Variants in PRR5L observed in about 807,000 individuals in gnomAD.
The protein encoded by PRR5L is proline rich 5 like.
In PRR5L, 21 loss-of-function variants were observed where a neutral mutation model predicts 36.4. That is an observed-to-expected ratio of 0.58 (90% CI 0.41 to 0.83). The LOEUF (loss-of-function observed/expected upper bound fraction) is 0.83. Ranked by LOEUF, PRR5L falls within the 40% of genes least tolerant of loss-of-function variation. The pLI, the probability that PRR5L is intolerant of heterozygous loss-of-function variation, is 0.00. For synonymous variants in PRR5L, 188 were observed against 197.0 expected, an observed-to-expected ratio of 0.95 and a Z score of 0.38; for missense variants, 381 against 473.3, an observed-to-expected ratio of 0.80 and a Z score of 1.81.
At chr11:36,396,907 C>A (rs1857671653) in intron 1 of PRR5L, among the ~76,000 whole-genome samples, 1 of 152,034 alleles carries the variant, frequency 6.6e-6, no homozygotes, top group Non-Finnish European at 1.5e-5. Flanking sequence ...AAATTTAGTT[C>A]CTAACTTAGT....
chr11:36,410,681 G>A (rs1297028720), intron 3 of PRR5L, among the ~76,000 whole-genome samples: 1 of 152,166 alleles, frequency 6.6e-6, no homozygotes, highest in Non-Finnish European at 1.5e-5. Context: ...CTAGGATGCC[G>A]ACACCCGAAG....
At chr11:36,322,358 C>T (rs1856621233) in intron 1 of PRR5L, among the ~76,000 whole-genome samples, 1 of 152,042 alleles carries the variant, frequency 6.6e-6, no homozygotes, top group Admixed American at 6.6e-5. Flanking sequence ...ACAATATGTA[C>T]ACCATAAATT....
chr11:36,307,606 G>A (rs1304579020), intron 1 of PRR5L, among the ~76,000 whole-genome samples: 1 of 152,142 alleles, frequency 6.6e-6, no homozygotes, highest in East Asian at 1.9e-4. Context: ...CCTCCCAGAA[G>A]TAGTGCATGA....
chr11:36,408,605 A>AG (rs1857959448), intron 3 of PRR5L, among the ~76,000 whole-genome samples: 5 of 152,186 alleles, frequency 3.3e-5, no homozygotes, highest in African/African-American at 1.2e-4. Context: ...TGCGGTTTTT[A>AG]ACACCCCTCT....
chr11:36,400,136 A>G (rs1372877457), intron 1 of PRR5L, among the ~76,000 whole-genome samples: 3 of 152,232 alleles, frequency 2.0e-5, no homozygotes, highest in African/African-American at 7.2e-5. Flanking sequence ...AAGCAGAGGG[A>G]AAAAGGAAGA....
chr11:36,327,470 G>T (rs963032756), intron 1 of PRR5L, among the ~76,000 whole-genome samples: 1 of 152,128 alleles, frequency 6.6e-6, no homozygotes, highest in East Asian at 1.9e-4. Flanking sequence ...GGCCCTGAAA[G>T]AAATTATTTT....
At chr11:36,354,559 A>AT (rs1034794778) in intron 1 of PRR5L, among the ~76,000 whole-genome samples, 3 of 152,234 alleles carry the variant, frequency 2.0e-5, no homozygotes, top group African/African-American at 7.2e-5. Context: ...AGTAGAGGTC[A>AT]TTTTTTAAAA....
At chr11:36,450,535 G>A (rs905534448) in intron 7 of PRR5L, among the ~76,000 whole-genome samples, 11 of 152,316 alleles carry the variant, frequency 7.2e-5, no homozygotes, top group Non-Finnish European at 1.6e-4. Context: ...GAGGACTCCT[G>A]TCATGCCGGG....
chr11:36,452,348 G>A (rs893743561), intron 8 of PRR5L, among the ~76,000 whole-genome samples: 7 of 152,124 alleles, frequency 4.6e-5, no homozygotes, highest in Non-Finnish European at 5.9e-5. Context: ...AGAAAGGAGC[G>A]TCCTCCAGTG....
In PRR5L at chr11:36,422,765, C is replaced by G. The variant is rs1858295954; in HGVS notation, c.294+3462C>G. Among the ~76,000 whole-genome samples the G allele has an allele frequency of 2.0e-5, 3 of 152,238 alleles. No homozygotes were observed. In the South Asian group the frequency reaches 6.2e-4, roughly 32 times the overall value. On this transcript the variant is annotated intron_variant, in intron 4 of 8. Transcript: ENST00000530639. ...GATCTGCAGAAGCCCAGCTACACGT[C>G]CATAAGGCACTGGCTGGAAAAGTCT...
intron 4 of PRR5L, among the ~76,000 whole-genome samples, chr11:36,427,899 A>G (rs1272337051): frequency 6.6e-6 from 1 of 152,174 alleles, no homozygotes; most frequent in African/African-American, 2.4e-5. Context: ...CTGGCCTGCC[A>G]CTGCAGCTCA....
In PRR5L at chr11:36,451,191, T is replaced by C. The variant is rs1352451130; in HGVS notation, c.586-18T>C. 6 of 1,613,764 alleles carry C rather than the reference T, an allele frequency of 3.7e-6. No homozygotes were observed. Among genetic ancestry groups the C allele is most frequent in the Non-Finnish European group, 5.1e-6 (6 of 1,179,838 alleles). On this transcript the variant is annotated intron_variant, in intron 7 of 8. Transcript: ENST00000530639. Reference sequence around the variant, plus strand: ...AATGAACACTGACCTTTGTGTATCTTGGCTGTTCATTTTCCAGAGTGTTCA... The same window carrying C: ...AATGAACACTGACCTTTGTGTATCTCGGCTGTTCATTTTCCAGAGTGTTCA...
At chr11:36,437,498 T>G (rs1400959772) in intron 6 of PRR5L, 22 bp downstream of exon 6, 55 of 1,419,878 alleles carry the variant, frequency 3.9e-5, no homozygotes, top group Non-Finnish European at 5.3e-5. Context: ...TGGGGAACAC[T>G]TCCTGCCATC....
chr11:36,430,305 A>G (rs1259485311), intron 4 of PRR5L, among the ~76,000 whole-genome samples: 1 of 152,160 alleles, frequency 6.6e-6, no homozygotes, highest in Non-Finnish European at 1.5e-5. Context: ...CCATCTACAC[A>G]GGAGGCTGAG....
At chr11:36,398,903 G>A (rs958348926) in intron 1 of PRR5L, 1 of 152,218 alleles carries the variant, frequency 6.6e-6, no homozygotes, top group African/African-American at 2.4e-5. Flanking sequence ...ATGAGAGGCA[G>A]CTCCATTAAC....
intron 1 of PRR5L, among the ~76,000 whole-genome samples, chr11:36,396,745 G>A (rs912765158): frequency 6.6e-6 from 1 of 152,142 alleles, no homozygotes; most frequent in Non-Finnish European, 1.5e-5. Context: ...CTTGATCAAG[G>A]TCACACAGCT....
rs560836863 is a variant in PRR5L, at chr11:36,353,255, T to G, written c.-125-47742T>G. 2.0e-5 allele frequency among the ~76,000 whole-genome samples: 3 copies of G among 152,300 alleles called. No individual in the cohort carries two copies. In the South Asian group the frequency reaches 6.2e-4, roughly 32 times the overall value. On this transcript the variant is annotated intron_variant, in intron 1 of 8. Coordinates refer to ENST00000530639, the MANE Select transcript of PRR5L (RefSeq NM_001160167.2). ...AAAAACATCTCCACACATTGCCAAG[T>G]GTCTCCAGAGGAGTGGGTGTGGAGG...
rs750898919 is a variant in PRR5L at position 36,462,559 on chromosome 11, G to C, written c.930G>C (p.Ser310=). 5 of 1,612,384 alleles carry C rather than the reference G, an allele frequency of 3.1e-6. No individual in the cohort carries two copies. In the East Asian group the frequency reaches 8.9e-5, roughly 29 times the overall value. Residue 310 remains serine, a synonymous_variant, in exon 9 of 9, where the codon TCG becomes TCC. Transcript: ENST00000530639. The stretch of plus-strand genomic sequence containing the variant: ...TGGCCATGGCCACCATGATGCACTC[G>C]GGCCTGGGGGAGGAGGCCAGCAGTG... ...QLLAMATMMH[S]GLGEEASSEN... is the part of the protein sequence containing the mutation.
chr11:36,408,111 T>C (rs879342600), intron 3 of PRR5L, among the ~76,000 whole-genome samples: 3 of 152,058 alleles, frequency 2.0e-5, no homozygotes, highest in Non-Finnish European at 2.9e-5. Context: ...CTGACTCTAC[T>C]AAAAATACAA....
Sources: allele counts gnomAD v4.1 joint callset (sites outside exome capture counted in the v4.1 genomes callset), GRCh38; gene constraint gnomAD v4.1.1; transcripts MANE v1.5; gene names NCBI Gene and HGNC (gene_info 2026-07-23, HGNC 2026-07-21).